Variants in RDH8 observed in about 807,000 individuals in gnomAD.
The protein encoded by RDH8 is photoreceptor outer segment all-trans retinol dehydrogenase.
A neutral mutation model predicts 22.3 loss-of-function variants in RDH8; 14 were observed. That is an observed-to-expected ratio of 0.63 (90% CI 0.42 to 0.98). The LOEUF (loss-of-function observed/expected upper bound fraction) is 0.98. Among genes scored for constraint, RDH8 ranks in the 50% least tolerant of loss-of-function variants. RDH8 has a pLI of 0.00. For synonymous variants in RDH8, 175 were observed against 171.7 expected (o/e 1.02, Z -0.15); for missense variants, 389 against 409.8 (o/e 0.95, Z 0.44).
chr19:10,014,472 G>A (rs1003038855), intron 1 of RDH8, among the ~76,000 whole-genome samples: 17 of 152,270 alleles, frequency 1.1e-4, no homozygotes, highest in Admixed American at 1.1e-3. Flanking sequence ...CCTGAATCCA[G>A]GAAGTCATTT....
chr19:10,013,485 G>T lies in RDH8; in HGVS notation c.-13G>T. ...TGCCCGGCGGAGGTCACGAGTCCAG[G>T]GAGGGGATCAACATGGCCGCTGCAC... On this transcript the variant is annotated 5_prime_UTR_variant, in exon 1 of 6. Coordinates refer to ENST00000591589, the MANE Select transcript of RDH8 (RefSeq NM_015725.4). 1 of 1,611,676 alleles carries T rather than the reference G, an allele frequency of 6.2e-7. No individual in the cohort carries two copies. The highest frequency in any genetic ancestry group is 1.7e-5 in the Admixed American group (1 of 60,018).
At chr19:10,019,428 G>A (rs892050003) in intron 3 of RDH8, among the ~76,000 whole-genome samples, 2 of 152,120 alleles carry the variant, frequency 1.3e-5, no homozygotes, top group African/African-American at 4.8e-5. Context: ...GCGTGGCCTA[G>A]GCAGGAGGGC....
intron 1 of RDH8, among the ~76,000 whole-genome samples, chr19:10,016,663 G>T (rs1388081119): frequency 6.6e-6 from 1 of 151,380 alleles, no homozygotes; most frequent in Non-Finnish European, 1.5e-5. Context: ...GTAGAGATGG[G>T]ATCTCGCTAT....
At chr19:10,017,298 C>T in intron 2 of RDH8, 83 bp downstream of exon 2, 2 of 1,353,062 alleles carry the variant, frequency 1.5e-6, no homozygotes, top group Non-Finnish European at 1.9e-6. Flanking sequence ...TGAGCACCAG[C>T]TCTCTGGCTT....
intron 1 of RDH8, 25 bp from the exon 2 acceptor site, chr19:10,017,032 C>T: frequency 6.6e-7 from 1 of 1,513,896 alleles, no homozygotes. Flanking sequence ...CAGTGCCTGT[C>T]CCTGCTTTAC....
In RDH8 at chr19:10,018,816, C is replaced by T. The variant is rs776050013; in HGVS notation, c.348C>T (p.Phe116=). 7.4e-6 allele frequency: 12 copies of T among 1,613,850 alleles called. No homozygotes were observed. The Admixed American group carries it at 1.2e-4, about 16-fold the overall frequency. The change falls in exon 3 of 6, where the codon TTC becomes TTT. Residue 116 remains phenylalanine (F), a synonymous_variant. Coordinates refer to ENST00000591589, the MANE Select transcript of RDH8 (RefSeq NM_015725.4). Reference sequence around the variant, plus strand: ...AGAATGTCTTTGACACCAACTTTTTCGGAGCTGTCCGTCTCGTCAAAGCTG... The same window carrying T: ...AGAATGTCTTTGACACCAACTTTTTTGGAGCTGTCCGTCTCGTCAAAGCTG... The part of the protein sequence containing the change: ...AMQNVFDTNF[F]GAVRLVKAVL...
At chr19:10,018,961 C>T (rs754670841) in intron 3 of RDH8, 51 bp downstream of exon 3, 1 of 1,473,270 alleles carries the variant, frequency 6.8e-7, no homozygotes, top group Non-Finnish European at 9.3e-7. Context: ...CTGATCCTCC[C>T]CAGACTGGGA....
chr19:10,020,340 A>AGGAG (rs1009228438), intron 3 of RDH8, among the ~76,000 whole-genome samples: 6 of 38,576 alleles, frequency 1.6e-4, no homozygotes, highest in Admixed American at 3.3e-4. Context: ...GAAGGAAGGA[A>AGGAG]GGAGGGAGGG....
In RDH8 at chr19:10,020,709, G is replaced by A. The variant is rs1465306796; in HGVS notation, c.443G>A (p.Gly148Asp). ...GCTCTCCTCCCTCTGACCCTCACAGGTGTCATCTTCAACGATGTCTATGCA... is the reference window on the plus strand; with the variant it reads ...GCTCTCCTCCCTCTGACCCTCACAGATGTCATCTTCAACGATGTCTATGCA... ...VVISSVMGLQ[G>D]VIFNDVYAAS... The change falls in exon 4 of 6, where the codon GGT (glycine) becomes GAT (aspartate). Residue 148 changes from glycine (G) to aspartate (D), a missense_variant and splice_region_variant. Coordinates refer to ENST00000591589, the MANE Select transcript of RDH8 (RefSeq NM_015725.4). 1.2e-6 allele frequency: 2 copies of A among 1,606,310 alleles called. No individual in the cohort carries two copies. The highest frequency in any genetic ancestry group is 1.7e-6 in the Non-Finnish European group (2 of 1,174,824).
chr19:10,015,065 A>G (rs1335575315), intron 1 of RDH8, among the ~76,000 whole-genome samples: 1 of 152,206 alleles, frequency 6.6e-6, no homozygotes, highest in Admixed American at 6.5e-5. Flanking sequence ...AGGAGTGTTC[A>G]TGGGTGATTA....
chr19:10,020,851 G>T, intron 4 of RDH8, 49 bp downstream of exon 4: 1 of 1,377,636 alleles, frequency 7.3e-7, no homozygotes, highest in South Asian at 1.2e-5. Flanking sequence ...TGATGGGGAG[G>T]TGGCATCGAA....
At chr19:10,019,262 C>T (rs954726451) in intron 3 of RDH8, among the ~76,000 whole-genome samples, 7 of 151,714 alleles carry the variant, frequency 4.6e-5, no homozygotes, top group African/African-American at 1.5e-4. Context: ...CGTGCCACTG[C>T]ACTCCAGCCT....
In RDH8 at chr19:10,013,737, T is replaced by C. The variant is rs1025937257; in HGVS notation, c.103+137T>C. On this transcript the variant is annotated intron_variant, in intron 1 of 5. Coordinates refer to ENST00000591589, the MANE Select transcript of RDH8 (RefSeq NM_015725.4). Reference sequence around the variant, plus strand: ...ATTCCCTCCAGGAATCATCCCCTCATCCTAGAAATATTTCTTGAGCATCTT... The same window carrying C: ...ATTCCCTCCAGGAATCATCCCCTCACCCTAGAAATATTTCTTGAGCATCTT... 5 of 838,206 alleles carry C rather than the reference T, an allele frequency of 6.0e-6. No individual in the cohort carries two copies. In the Admixed American group the frequency reaches 7.3e-5, roughly 12 times the overall value. The allele number at this position is 838,206 out of a possible 1,614,324, so 51.9% of individuals were successfully genotyped here.
intron 3 of RDH8, among the ~76,000 whole-genome samples, chr19:10,019,554 T>C (rs2087642749): frequency 6.6e-6 from 1 of 152,040 alleles, no homozygotes; most frequent in African/African-American, 2.4e-5. Context: ...ATCCCAACAC[T>C]TTGGGAGGCC....
In RDH8 at chr19:10,013,506, T is replaced by C; in HGVS notation, c.9T>C (p.Ala3=). The C allele has an allele frequency of 6.2e-7, 1 of 1,613,288 alleles. No individual in the cohort carries two copies. Among genetic ancestry groups the C allele is most frequent in the Non-Finnish European group, 8.5e-7 (1 of 1,180,008 alleles). Residue 3 remains alanine, a synonymous_variant, in exon 1 of 6, where the codon GCT becomes GCC. Transcript: ENST00000591589. ...CCAGGGAGGGGATCAACATGGCCGCTGCACCCCGGACTGTGTTGATCTCCG... is the reference window on the plus strand; with the variant it reads ...CCAGGGAGGGGATCAACATGGCCGCCGCACCCCGGACTGTGTTGATCTCCG... MA[A]APRTVLISGC...
At chr19:10,018,439 G>A (rs1033219620) in intron 2 of RDH8, among the ~76,000 whole-genome samples, 1 of 152,144 alleles carries the variant, frequency 6.6e-6, no homozygotes, top group African/African-American at 2.4e-5. Context: ...CCTAACCTTC[G>A]CAGGAAGGTG....
In RDH8 at chr19:10,021,818, G is replaced by C; in HGVS notation, c.*69G>C. On this transcript the variant is annotated 3_prime_UTR_variant, in exon 6 of 6. Transcript: ENST00000591589. Reference sequence around the variant, plus strand: ...TCTTCATTCCACATCTAATTCAAAGGATGAACAGACTCTTCATTTATTCAT... The same window carrying C: ...TCTTCATTCCACATCTAATTCAAAGCATGAACAGACTCTTCATTTATTCAT... The C allele has an allele frequency of 6.9e-7, 1 of 1,459,208 alleles. No individual in the cohort carries two copies. Among genetic ancestry groups the C allele is most frequent in the Non-Finnish European group, 9.4e-7 (1 of 1,061,040 alleles). 90.4% of individuals were successfully genotyped at this position (1,459,208 alleles called of 1,614,324 possible).
Position 10,022,048 on chromosome 19 carries a change from T to G in RDH8, c.*299T>G, listed in dbSNP as rs953902255. 2.0e-5 allele frequency: 8 copies of G among 400,906 alleles called. No individual in the cohort carries two copies. Among genetic ancestry groups the G allele is most frequent in the Non-Finnish European group, 3.1e-5 (7 of 223,386 alleles). 24.8% of individuals were successfully genotyped at this position (400,906 alleles called of 1,614,324 possible). A position where few individuals can be genotyped will look rare whatever the true frequency, so the allele number is the denominator to read the frequency against. On this transcript the variant is annotated 3_prime_UTR_variant, in exon 6 of 6. Transcript: ENST00000591589. ...CTTCCTGGAGGAAGCGGCATTGTTA[T>G]GAGCCTTGAAGGAAGAGACAGACTC...
At chr19:10,015,116 G>A (rs1368295931) in intron 1 of RDH8, among the ~76,000 whole-genome samples, 3 of 152,266 alleles carry the variant, frequency 2.0e-5, no homozygotes, top group East Asian at 1.9e-4. Context: ...GTATGCTGGT[G>A]CATGTGCAGA....
Sources: allele counts gnomAD v4.1 joint callset (sites outside exome capture counted in the v4.1 genomes callset), GRCh38; gene constraint gnomAD v4.1.1; transcripts MANE v1.5; gene names NCBI Gene and HGNC (gene_info 2026-07-23, HGNC 2026-07-21).